The following IGSF6 variants were observed in gnomAD, a reference collection of about 807,000 sequenced individuals.
The protein encoded by IGSF6 is immunoglobulin superfamily member 6.
In IGSF6, 23 loss-of-function variants were observed where a neutral mutation model predicts 24.7. The observed-to-expected ratio is 0.93, with a 90% confidence interval of 0.67 to 1.32. The LOEUF (loss-of-function observed/expected upper bound fraction) is 1.32, where lower values mean the gene tolerates loss of function less well. Ranked by LOEUF, IGSF6 falls within the 40% of genes most tolerant of loss-of-function variation. The pLI, the probability that IGSF6 is intolerant of heterozygous loss-of-function variation, is 0.00. For synonymous variants in IGSF6, 110 were observed against 113.7 expected, an observed-to-expected ratio of 0.97 and a Z score of 0.21; for missense variants, 295 against 293.6, an observed-to-expected ratio of 1.00 and a Z score of -0.04.
At position 21,641,430 on chromosome 16, in the gene IGSF6, G is replaced by C. The variant is rs540497585; in HGVS notation, c.*104C>G. The C allele has an allele frequency of 5.4e-6, 3 of 550,546 alleles. No individual in the cohort carries two copies. The allele number at this position is 550,546 out of a possible 1,614,324, so 34.1% of individuals were successfully genotyped here. On this transcript the variant is annotated 3_prime_UTR_variant, in exon 6 of 6. Coordinates refer to ENST00000268389, the MANE Select transcript of IGSF6 (RefSeq NM_005849.4). ...TTCTTTGTAGCCAGTTGTCTTTTCA[G>C]TTTACCTTTATTTTTTTTTAAGACC... is the stretch of plus-strand genomic sequence containing the variant.
At chr16:21,643,210 C>T (rs535815622) in intron 4 of IGSF6, 56 bp from the exon 5 acceptor site, 56 of 1,318,584 alleles carry the variant, frequency 4.2e-5, no homozygotes, top group African/African-American at 1.0e-4. Flanking sequence ...GCGATGATAA[C>T]GACGCATCAT....
rs200635568 is a variant in IGSF6, at chr16:21,647,417, G to A, written c.143C>T (p.Thr48Ile). The A allele has an allele frequency of 3.8e-5, 62 of 1,614,076 alleles. No individual in the cohort carries two copies. The East Asian group carries it at 1.3e-3, about 33-fold the overall frequency. The change falls in exon 2 of 6, where the codon ACC (threonine) becomes ATC (isoleucine). Residue 48 changes from threonine (T) to isoleucine (I), a missense_variant. Thr to Ile is a moderately conservative substitution (Grantham distance 89). Coordinates refer to ENST00000268389, the MANE Select transcript of IGSF6 (RefSeq NM_005849.4). ...GGTTGCGGAGAAGGTACACTTTATG[G>A]TGACGGCCTCATGAGTGTAGTCCAC... ...LEVDYTHEAV[T>I]IKCTFSATGC...
At chr16:21,652,357 G>A (rs1002148188) in intron 1 of IGSF6, 175 bp downstream of exon 1, 1 of 489,562 alleles carries the variant, frequency 2.0e-6, no homozygotes, top group Non-Finnish European at 3.6e-6. Flanking sequence ...CTTTTTCTCA[G>A]CTATTTTTTT....
At chr16:21,643,479 AT>A (rs1966331444) in intron 4 of IGSF6, 68 bp downstream of exon 4, 1 of 1,022,292 alleles carries the variant, frequency 9.8e-7, no homozygotes, top group Non-Finnish European at 1.5e-6. Flanking sequence ...AAGCTAAAAA[AT>A]ATTTCAGTTT....
chr16:21,643,643 A>G (rs372921992), intron 3 of IGSF6, 45 bp from the exon 4 acceptor site: 3 of 1,317,890 alleles, frequency 2.3e-6, no homozygotes, highest in Non-Finnish European at 3.2e-6. Context: ...TTATGTACTC[A>G]TAACAATGGT....
Position 21,643,565 on chromosome 16 carries a change from T to C in IGSF6, c.568A>G (p.Lys190Glu). The C allele has an allele frequency of 1.9e-6, 3 of 1,607,136 alleles. No homozygotes were observed. The highest frequency in any genetic ancestry group is 1.1e-5 in the South Asian group (1 of 90,420). ...GTCTGTACCTTTTGTGAGTCTTCTT[T>C]TATTTCTTTGTTTCTTAGAGGGTTG... Reference protein sequence around the residue: ...KSNPLRNKEIKEDSQKKKSAR... With the variant: ...KSNPLRNKEIEEDSQKKKSAR... The change falls in exon 4 of 6, where the codon AAA becomes GAA. Residue 190 changes from lysine to glutamate, a missense_variant. Physicochemically the swap from Lys to Glu is moderately conservative, Grantham distance 56. Coordinates refer to ENST00000268389, the MANE Select transcript of IGSF6 (RefSeq NM_005849.4).
intron 2 of IGSF6, chr16:21,646,889 C>T (rs997020627): frequency 4.0e-6 from 2 of 494,132 alleles, no homozygotes; most frequent in African/African-American, 3.9e-5. Flanking sequence ...CTCCTGACCT[C>T]AAGTGATTCG....
intron 1 of IGSF6, 39 bp from the exon 2 acceptor site, chr16:21,647,531 C>A: frequency 1.3e-6 from 2 of 1,569,722 alleles, no homozygotes; most frequent in Non-Finnish European, 1.7e-6. Flanking sequence ...ATGGGCCTGC[C>A]ACCTCACTTT....
At chr16:21,652,440 TTAATC>T in intron 1 of IGSF6, 87 bp downstream of exon 1, 1 of 977,950 alleles carries the variant, frequency 1.0e-6, no homozygotes, top group Admixed American at 2.5e-5. Context: ...CATTTAAAAA[TTAATC>T]TGAAGGAGCT....
At chr16:21,649,542 C>T (rs1054884002) in intron 1 of IGSF6, among the ~76,000 whole-genome samples, 2 of 152,112 alleles carry the variant, frequency 1.3e-5, no homozygotes, top group Non-Finnish European at 2.9e-5. Flanking sequence ...CTTACAAGTA[C>T]AGTGAAACAT....
At chr16:21,643,481 AT>A (rs1782864803) in intron 4 of IGSF6, 66 bp downstream of exon 4, 1 of 1,031,820 alleles carries the variant, frequency 9.7e-7, no homozygotes, top group African/African-American at 1.6e-5. Context: ...GCTAAAAAAT[AT>A]TTCAGTTTTG....
Position 21,647,405 on chromosome 16 carries a change from G to T in IGSF6, c.155C>A (p.Thr52Asn), listed in dbSNP as rs753594905. The change falls in exon 2 of 6, where the codon ACC (threonine) becomes AAC (asparagine). Residue 52 changes from threonine (T) to asparagine (N), a missense_variant. Physicochemically the swap from Thr to Asn is moderately conservative, Grantham distance 65 (BLOSUM62 0). Coordinates refer to ENST00000268389, the MANE Select transcript of IGSF6 (RefSeq NM_005849.4). ...AGAAGGGCATCCGGTTGCGGAGAAG[G>T]TACACTTTATGGTGACGGCCTCATG... Reference protein sequence around the residue: ...YTHEAVTIKCTFSATGCPSEQ... With the variant: ...YTHEAVTIKCNFSATGCPSEQ... 2 of 1,614,058 alleles carry T rather than the reference G, an allele frequency of 1.2e-6. No homozygotes were observed. Among genetic ancestry groups the T allele is most frequent in the East Asian group, 2.2e-5 (1 of 44,874 alleles).
intron 1 of IGSF6, among the ~76,000 whole-genome samples, chr16:21,651,224 A>G (rs1966566973): frequency 6.6e-6 from 1 of 152,172 alleles, no homozygotes. Context: ...CTCCGTCTCA[A>G]ACAAACAAAA....
intron 1 of IGSF6, among the ~76,000 whole-genome samples, chr16:21,648,048 T>G (rs1232396049): frequency 6.6e-6 from 1 of 152,110 alleles, no homozygotes; most frequent in Non-Finnish European, 1.5e-5. Flanking sequence ...CTGGTGTCCC[T>G]TTGGGAAACA....
chr16:21,646,659 T>G, intron 2 of IGSF6: 1 of 233,414 alleles, frequency 4.3e-6, no homozygotes, highest in Non-Finnish European at 8.7e-6. Context: ...TTGGAGTAGT[T>G]CTTTTGTTTT....
At chr16:21,643,945 A>AGGGGTG (rs1966348404) in intron 3 of IGSF6, among the ~76,000 whole-genome samples, 1 of 152,154 alleles carries the variant, frequency 6.6e-6, no homozygotes, top group Non-Finnish European at 1.5e-5. Flanking sequence ...GACTGTTCTT[A>AGGGGTG]AGGCTTTCGT....
intron 3 of IGSF6, among the ~76,000 whole-genome samples, 164 bp downstream of exon 3, chr16:21,644,126 T>G (rs1337878549): frequency 1.3e-5 from 2 of 152,198 alleles, no homozygotes; most frequent in African/African-American, 4.8e-5. Flanking sequence ...TGATGCCTTC[T>G]TCCAAAGACC....
At chr16:21,647,844 A>G (rs941290076) in intron 1 of IGSF6, among the ~76,000 whole-genome samples, 10 of 152,096 alleles carry the variant, frequency 6.6e-5, no homozygotes, top group African/African-American at 2.4e-4. Flanking sequence ...CTTCGATCCA[A>G]TCACTTAATC....
At chr16:21,650,051 A>G (rs902369138) in intron 1 of IGSF6, among the ~76,000 whole-genome samples, 1 of 152,130 alleles carries the variant, frequency 6.6e-6, no homozygotes, top group Non-Finnish European at 1.5e-5. Flanking sequence ...CAGGAGGCTG[A>G]GACCGGAGGC....
Sources: gnomAD v4.1 joint callset for allele counts (sites outside exome capture counted in the v4.1 genomes callset) on GRCh38, gnomAD v4.1.1 for gene constraint, MANE v1.5 for transcripts, NCBI Gene and HGNC (gene_info 2026-07-23, HGNC 2026-07-21) for gene names.